LRBA: variants seen among roughly 807,000 people sequenced by gnomAD.
The protein encoded by LRBA is lipopolysaccharide-responsive and beige-like anchor protein.
LRBA carries 176 observed loss-of-function variants against 330.0 expected under a neutral mutation model. The observed-to-expected ratio is 0.53, with a 90% CI of 0.47 to 0.60. LRBA has a LOEUF of 0.60. Among genes scored for constraint, LRBA ranks in the 20% least tolerant of loss-of-function variants. The pLI is 0.00. For synonymous variants in LRBA, 1,230 were observed against 1,193.0 expected (o/e 1.03, Z -0.64); for missense variants, 3,259 against 3,444.8 (o/e 0.95, Z 1.35).
chr4:150,410,233 A>G (rs1464048662), intron 47 of LRBA, among the ~76,000 whole-genome samples: 1 of 152,174 alleles, frequency 6.6e-6, no homozygotes, highest in Non-Finnish European at 1.5e-5. Context: ...GAAAAAAATT[A>G]TACAAGATTG....
intron 28 of LRBA, among the ~76,000 whole-genome samples, chr4:150,838,888 A>G (rs1364311665): frequency 2.0e-5 from 3 of 151,912 alleles, no homozygotes; most frequent in African/African-American, 4.8e-5. Flanking sequence ...TGAATTTTCA[A>G]ATGGGATCTA....
chr4:150,506,818 T>A (rs1290833294), intron 40 of LRBA, among the ~76,000 whole-genome samples: 30 of 152,178 alleles, frequency 2.0e-4, no homozygotes, highest in Admixed American at 2.0e-3. Flanking sequence ...TGATTGTATA[T>A]CTAGAAAACC....
rs375700554 is a variant in LRBA, at chr4:150,471,606, T to C, written c.6667+18A>G. On this transcript the variant is annotated intron_variant, in intron 43 of 56. Transcript: ENST00000651943. ...TAATTTATTGTCTAAAATAAATCAA[T>C]ACATGGAATTAGGTTACCTGCTATC... 7.8e-7 allele frequency: 1 copy of C among 1,274,530 alleles called. No individual in the cohort carries two copies. The highest frequency in any genetic ancestry group is 1.5e-5 in the African/African-American group (1 of 66,580). The allele number at this position is 1,274,530 out of a possible 1,614,324, so 79.0% of individuals were successfully genotyped here.
intron 37 of LRBA, among the ~76,000 whole-genome samples, chr4:150,670,627 A>G (rs893825357): frequency 4.6e-5 from 7 of 152,228 alleles, no homozygotes; most frequent in Non-Finnish European, 5.9e-5. Context: ...CACTGCTTCT[A>G]TGTCTTCTCA....
chr4:150,349,865 T>TAAGG, intron 48 of LRBA, 127 bp downstream of exon 48: 1 of 768,516 alleles, frequency 1.3e-6, no homozygotes, highest in East Asian at 2.8e-5. Context: ...TTATTCTGCT[T>TAAGG]AAGGCACTTT....
rs2126392381 is a variant in LRBA, at chr4:150,583,046, C to T, written c.6330+5002G>A. On this transcript the variant is annotated intron_variant, in intron 40 of 56. Transcript: ENST00000651943. The surrounding 1 kb of genome is among the most constrained non-coding windows in gnomAD (Gnocchi z 9.8). ...TGCCCCAACATGATCGCCGCTCAGG[C>T]CAAGCTGGTTTACCAGCTCAATAAG... is the stretch of plus-strand genomic sequence containing the variant. 3 of 1,603,692 alleles carry T rather than the reference C, an allele frequency of 1.9e-6. No individual in the cohort carries two copies. Among genetic ancestry groups the T allele is most frequent in the Admixed American group, 1.7e-5 (1 of 59,218 alleles).
At chr4:150,269,792 T>C (rs992867383) in intron 56 of LRBA, among the ~76,000 whole-genome samples, 8 of 150,772 alleles carry the variant, frequency 5.3e-5, no homozygotes, top group African/African-American at 1.7e-4. Context: ...CTACAGAAAA[T>C]AAAAAAGCTG....
intron 37 of LRBA, among the ~76,000 whole-genome samples, chr4:150,614,082 C>T (rs934105624): frequency 5.3e-5 from 8 of 152,238 alleles, no homozygotes; most frequent in African/African-American, 1.4e-4. Flanking sequence ...CATTCTATGG[C>T]GGGAAATGGA....
intron 40 of LRBA, among the ~76,000 whole-genome samples, chr4:150,537,501 G>C (rs190071617): frequency 1.3e-5 from 2 of 152,266 alleles, no homozygotes; most frequent in East Asian, 3.9e-4. Context: ...TTAAAATAAA[G>C]AGCTTCTGCA....
chr4:150,983,542 C>T (rs1038863504), intron 2 of LRBA, among the ~76,000 whole-genome samples: 4 of 150,626 alleles, frequency 2.7e-5, no homozygotes. Flanking sequence ...CAACCTCTGC[C>T]TCTGGGTTCA....
At chr4:150,723,620 A>G (rs1049638293) in intron 36 of LRBA, among the ~76,000 whole-genome samples, 10 of 152,206 alleles carry the variant, frequency 6.6e-5, no homozygotes, top group African/African-American at 2.4e-4. Context: ...GGGGTGACCC[A>G]GCATATTCCC....
intron 36 of LRBA, among the ~76,000 whole-genome samples, chr4:150,687,009 T>C (rs1047954845): frequency 2.6e-5 from 4 of 152,084 alleles, no homozygotes; most frequent in African/African-American, 9.7e-5. Flanking sequence ...TGACATAAAA[T>C]CTATAGATAT....
intron 46 of LRBA, among the ~76,000 whole-genome samples, chr4:150,418,046 G>T: frequency 6.8e-6 from 1 of 147,850 alleles, no homozygotes. Context: ...TTAAGAGACA[G>T]GGTCCCACTC....
chr4:150,847,443 T>C (rs1418543878), intron 26 of LRBA, among the ~76,000 whole-genome samples: 1 of 152,180 alleles, frequency 6.6e-6, no homozygotes, highest in African/African-American at 2.4e-5. Flanking sequence ...ATACTTTGAA[T>C]AGCATTTTGA....
At position 150,625,877 on chromosome 4, in the gene LRBA, T is replaced by TTTTTGTA. The variant is rs540576619; in HGVS notation, c.5922-26753_5922-26747dup. 7.6e-3 allele frequency among the ~76,000 whole-genome samples: 1,155 copies of TTTTTGTA among 151,852 alleles called. 7 individuals carry two copies. Among genetic ancestry groups the TTTTTGTA allele is most frequent in the Non-Finnish European group, 0.013 (880 of 67,888 alleles). On this transcript the variant is annotated intron_variant, in intron 37 of 56. Transcript: ENST00000651943. Reference sequence around the variant, plus strand: ...GGCACCCACCACCACACCCGGCTAATTTTTGTATTTTTAGTAGAGACAGGG... The same window carrying TTTTTGTA: ...GGCACCCACCACCACACCCGGCTAATTTTTGTATTTTGTATTTTTAGTAGAGACAGGG...
chr4:150,635,054 A>T (rs1207117207), intron 37 of LRBA, among the ~76,000 whole-genome samples: 1 of 152,214 alleles, frequency 6.6e-6, no homozygotes, highest in Non-Finnish European at 1.5e-5. Context: ...TTATGGTAAC[A>T]ATAGATAAAA....
In LRBA at chr4:150,820,089, C is replaced by T. The variant is rs531513795; in HGVS notation, c.5172-2832G>A. Among the ~76,000 whole-genome samples, 7 of 152,090 alleles carry T rather than the reference C, an allele frequency of 4.6e-5. No individual in the cohort carries two copies. In the East Asian group the frequency reaches 1.3e-3, roughly 29 times the overall value. ...AATATAAAATTATAAATTCTAATAG[C>T]AGCTAAGATAAATGCACTGACAATA... is the stretch of plus-strand genomic sequence containing the variant. On this transcript the variant is annotated intron_variant, in intron 30 of 56. Coordinates refer to ENST00000651943, the MANE Select transcript of LRBA (RefSeq NM_001364905.1).
In LRBA at chr4:150,916,879, C is replaced by T. The variant is rs140885888; in HGVS notation, c.646-141G>A. On this transcript the variant is annotated intron_variant, in intron 5 of 56. Transcript: ENST00000651943. ...CACAATTAAAATATCTGAGGCCGGG[C>T]GCGGTGGCTCACGCCTGTAATCCCA... The T allele has an allele frequency of 2.2e-3, 1,379 of 630,858 alleles. 18 individuals carry two copies. The East Asian group carries it at 0.027, about 12-fold the overall frequency. 39.1% of individuals were successfully genotyped at this position (630,858 alleles called of 1,614,324 possible).
chr4:150,890,677 G>A (rs1729366110), intron 17 of LRBA, among the ~76,000 whole-genome samples: 1 of 152,188 alleles, frequency 6.6e-6, no homozygotes, highest in Non-Finnish European at 1.5e-5. Flanking sequence ...AAGAATGGCA[G>A]TAAGGGTAGC....
Sources: gnomAD v4.1 joint callset for allele counts (sites outside exome capture counted in the v4.1 genomes callset) on GRCh38, gnomAD v4.1.1 for gene constraint, Gnocchi (gnomAD v3.1) non-coding constraint, MANE v1.5 for transcripts, NCBI Gene and HGNC (gene_info 2026-07-23, HGNC 2026-07-21) for gene names.